The following LHFPL2 variants were observed in gnomAD, a reference collection of about 807,000 sequenced individuals.
LHFPL2 encodes the protein LHFPL tetraspan subfamily member 2 protein.
LHFPL2 carries 7 observed loss-of-function variants against 17.5 expected under a neutral mutation model. The ratio of observed to expected loss-of-function variants is 0.40; its 90% CI spans 0.23 to 0.75. LHFPL2 has a LOEUF of 0.75. LHFPL2 is among the 30% of genes least tolerant of loss of function. LHFPL2 has a pLI of 0.37. For synonymous variants in LHFPL2, 134 were observed against 116.2 expected (o/e 1.15, Z -0.99); for missense variants, 241 against 294.8 (o/e 0.82, Z 1.34).
chr5:78,514,848 C>T (rs1052990776), intron 3 of LHFPL2, among the ~76,000 whole-genome samples: 4 of 152,146 alleles, frequency 2.6e-5, no homozygotes, highest in Non-Finnish European at 2.9e-5. Context: ...TTTTTATGAA[C>T]GTTTTCAAAC....
chr5:78,485,431 G>A lies in LHFPL2; in HGVS notation c.*3466C>T, dbSNP rs1754206156. The A allele has an allele frequency of 6.6e-6, 1 of 152,578 alleles. No homozygotes were observed. Among genetic ancestry groups the A allele is most frequent in the Non-Finnish European group, 1.5e-5 (1 of 68,032 alleles). 9.5% of individuals were successfully genotyped at this position (152,578 alleles called of 1,614,324 possible). A position where few individuals can be genotyped will look rare whatever the true frequency, so the allele number is the denominator to read the frequency against. On this transcript the variant is annotated 3_prime_UTR_variant, in exon 5 of 5. Transcript: ENST00000380345. ...CTCAAGTGGCTGTTGAATATCAAGT[G>A]GTGCCGAGTCCCTCCAGAGCACCTA... is the stretch of plus-strand genomic sequence containing the variant.
At chr5:78,572,912 C>T (rs1393117365) in intron 2 of LHFPL2, among the ~76,000 whole-genome samples, 2 of 152,116 alleles carry the variant, frequency 1.3e-5, no homozygotes, top group Non-Finnish European at 2.9e-5. Context: ...AAGGAGCATA[C>T]AACTTAGATT....
chr5:78,578,382 G>A (rs10060400), intron 2 of LHFPL2, among the ~76,000 whole-genome samples: 61,916 of 151,904 alleles, frequency 0.41, 12,904 homozygotes, highest in Middle Eastern at 0.48. Context: ...CCAGTTAAAG[G>A]ATCTAAATGA....
At chr5:78,496,674 T>G (rs1199358190) in intron 4 of LHFPL2, among the ~76,000 whole-genome samples, 1 of 152,202 alleles carries the variant, frequency 6.6e-6, no homozygotes, top group Non-Finnish European at 1.5e-5. Context: ...GGCTTTTCAG[T>G]GGGGACAGCT....
chr5:78,597,175 G>A (rs982681397), intron 2 of LHFPL2, among the ~76,000 whole-genome samples: 2 of 152,190 alleles, frequency 1.3e-5, no homozygotes, highest in African/African-American at 4.8e-5. Flanking sequence ...GCCCACGAGC[G>A]AGGCGCCAAG....
In LHFPL2 at chr5:78,544,305, G is replaced by A. The variant is rs372386503; in HGVS notation, c.-186+20508C>T. 1.2e-3 allele frequency among the ~76,000 whole-genome samples: 179 copies of A among 152,326 alleles called. 5 individuals are homozygous for A. The South Asian group carries it at 0.036, about 31-fold the overall frequency. Reference sequence around the variant, plus strand: ...GCACAGGCATCTGGCACACAGAGCAGGTCTGCAATAAATATCTATTGCACG... The same window carrying A: ...GCACAGGCATCTGGCACACAGAGCAAGTCTGCAATAAATATCTATTGCACG... On this transcript the variant is annotated intron_variant, in intron 3 of 4. Coordinates refer to ENST00000380345, the MANE Select transcript of LHFPL2 (RefSeq NM_005779.3).
intron 2 of LHFPL2, among the ~76,000 whole-genome samples, chr5:78,628,353 C>G (rs10055187): frequency 0.39 from 59,697 of 152,074 alleles, 13,554 homozygotes; most frequent in African/African-American, 0.63. Context: ...AGACCCTGAA[C>G]ACCCACAGGC....
In LHFPL2 at chr5:78,488,944, C is replaced by CTT. The variant is rs769617459; in HGVS notation, c.638_639dup (p.Val214LysfsTer12). On this transcript the variant is annotated frameshift_variant, in exon 5 of 5. Transcript: ENST00000380345. LOFTEE classifies it high-confidence loss of function. ...TTCCCCTCTTCAATTTCTTCCTGTA[C>CTT]TTTGTCACTAGAGGTTGCAATTTCT... 6.2e-7 allele frequency: 1 copy of CTT among 1,614,154 alleles called. No homozygotes were observed. Among genetic ancestry groups the CTT allele is most frequent in the Non-Finnish European group, 8.5e-7 (1 of 1,179,980 alleles).
At chr5:78,618,041 A>G (rs1744681586) in intron 2 of LHFPL2, among the ~76,000 whole-genome samples, 2 of 151,872 alleles carry the variant, frequency 1.3e-5, no homozygotes, top group South Asian at 4.2e-4. Flanking sequence ...CATCTCTACT[A>G]AAAAATACAA....
At chr5:78,520,354 G>C (rs1162664825) in intron 3 of LHFPL2, among the ~76,000 whole-genome samples, 2 of 152,144 alleles carry the variant, frequency 1.3e-5, no homozygotes, top group Non-Finnish European at 1.5e-5. Flanking sequence ...GTGTGACCTC[G>C]CACAGCTCCA....
intron 3 of LHFPL2, among the ~76,000 whole-genome samples, chr5:78,551,458 G>A (rs1756438802): frequency 6.6e-6 from 1 of 152,096 alleles, no homozygotes; most frequent in African/African-American, 2.4e-5. Context: ...TTGTATCTGG[G>A]GGCCACTTCA....
chr5:78,522,504 G>A lies in LHFPL2; in HGVS notation c.-185-12106C>T, dbSNP rs147421246. ...TGACCTCCCAAACCAAAGAATTCAC[G>A]TTAATATACGTTTGCTGACACTTGT... On this transcript the variant is annotated intron_variant, in intron 3 of 4. Coordinates refer to ENST00000380345, the MANE Select transcript of LHFPL2 (RefSeq NM_005779.3). Among the ~76,000 whole-genome samples the A allele has an allele frequency of 1.1e-3, 169 of 152,248 alleles. 2 individuals are homozygous for A. The highest frequency in any genetic ancestry group is 3.9e-3 in the African/African-American group (162 of 41,540).
chr5:78,519,837 C>G (rs116469650), intron 3 of LHFPL2, among the ~76,000 whole-genome samples: 1 of 152,214 alleles, frequency 6.6e-6, no homozygotes, highest in Non-Finnish European at 1.5e-5. Context: ...TTAGATCTTC[C>G]GGTTCTGGAG....
chr5:78,490,701 T>C (rs1314351971), intron 4 of LHFPL2, among the ~76,000 whole-genome samples: 1 of 136,786 alleles, frequency 7.3e-6, no homozygotes, highest in African/African-American at 2.9e-5. Flanking sequence ...TGAGCCAAGA[T>C]TGGGCCACTG....
At chr5:78,565,993 A>C (rs1756849806) in intron 2 of LHFPL2, among the ~76,000 whole-genome samples, 1 of 152,246 alleles carries the variant, frequency 6.6e-6, no homozygotes. Flanking sequence ...ATAAGGTAAC[A>C]CTGTATACGA....
intron 4 of LHFPL2, chr5:78,491,031 T>C (rs1395045456): frequency 1.3e-5 from 2 of 152,218 alleles, no homozygotes; most frequent in Admixed American, 1.3e-4. Flanking sequence ...ACTGACTTTA[T>C]GGCAGTATGA....
chr5:78,564,949 T>C (rs1756820639), intron 2 of LHFPL2, 78 bp from the exon 3 acceptor site: 2 of 152,164 alleles, frequency 1.3e-5, no homozygotes. Context: ...CAATTTTATA[T>C]CTCATTAAAA....
chr5:78,570,825 T>C lies in LHFPL2; in HGVS notation c.-244-5954A>G, dbSNP rs535140665. ...AGGTGAGTGCAGCACACTTGGGGAA[T>C]AGGCCAGGCAAACAGGTGGCCGCAG... is the stretch of plus-strand genomic sequence containing the variant. On this transcript the variant is annotated intron_variant, in intron 2 of 4. Transcript: ENST00000380345. 6.1e-4 allele frequency among the ~76,000 whole-genome samples: 93 copies of C among 152,108 alleles called. No individual in the cohort carries two copies. In the South Asian group the frequency reaches 0.016, roughly 26 times the overall value.
chr5:78,559,057 C>G (rs918847980), intron 3 of LHFPL2, among the ~76,000 whole-genome samples: 2 of 152,202 alleles, frequency 1.3e-5, no homozygotes, highest in Non-Finnish European at 2.9e-5. Context: ...GCCCTGCCCA[C>G]CCTACTCTCC....
Sources: allele counts gnomAD v4.1 joint callset (sites outside exome capture counted in the v4.1 genomes callset), GRCh38; gene constraint gnomAD v4.1.1; transcripts MANE v1.5; gene names NCBI Gene and HGNC (gene_info 2026-07-23, HGNC 2026-07-21).